CDC42BPB: variants seen among roughly 807,000 people sequenced by gnomAD.
CDC42BPB encodes serine/threonine-protein kinase MRCK beta.
CDC42BPB carries 37 observed loss-of-function variants against 214.9 expected under a neutral mutation model. That is an observed-to-expected ratio of 0.17 (90% CI 0.13 to 0.23). The LOEUF is 0.23. Among genes scored for constraint, CDC42BPB ranks in the 10% least tolerant of loss-of-function variants. CDC42BPB has a pLI of 1.00. For synonymous variants in CDC42BPB, 931 were observed against 884.0 expected, an observed-to-expected ratio of 1.05 and a Z score of -0.94; for missense variants, 1,694 against 2,227.0, an observed-to-expected ratio of 0.76 and a Z score of 4.82.
chr14:103,022,997 TTTTTC>T lies in CDC42BPB; in HGVS notation c.176-10814_176-10810del, dbSNP rs561415514. ...CAGCAACCCACAGATATAGCTATTT[TTTTTC>T]TTTTCTTTTCCTTTTCTTTTTTTTT... On this transcript the variant is annotated intron_variant, in intron 1 of 36. Transcript: ENST00000361246. Among the ~76,000 whole-genome samples, 554 of 152,022 alleles carry T rather than the reference TTTTTC, an allele frequency of 3.6e-3. 1 individual carries two copies. Among genetic ancestry groups the T allele is most frequent in the Non-Finnish European group, 5.3e-3 (359 of 67,964 alleles).
rs763045889 is a variant in CDC42BPB at position 102,974,902 on chromosome 14, T to G, written c.1508-753A>C. 4.6e-5 allele frequency among the ~76,000 whole-genome samples: 7 copies of G among 152,004 alleles called. No individual in the cohort carries two copies. In the South Asian group the frequency reaches 1.2e-3, roughly 27 times the overall value. ...CGGAGCTTGCAGTGAGCCGAGATCA[T>G]GCCACTGCACTCCAGCCTGGGTGAC... On this transcript the variant is annotated intron_variant, in intron 11 of 36. Transcript: ENST00000361246.
intron 7 of CDC42BPB, among the ~76,000 whole-genome samples, chr14:102,981,430 T>C (rs1051049306): frequency 6.6e-5 from 10 of 152,326 alleles, no homozygotes; most frequent in African/African-American, 2.4e-4. Flanking sequence ...GACTGCACTG[T>C]ATTTTGACCA....
At chr14:102,934,829 A>T (rs527893476) in intron 36 of CDC42BPB, among the ~76,000 whole-genome samples, 11 of 151,872 alleles carry the variant, frequency 7.2e-5, no homozygotes, top group Non-Finnish European at 1.6e-4. Flanking sequence ...AACACAGTGA[A>T]ACCCTGTCTC....
Position 102,940,122 on chromosome 14 carries a change from G to A in CDC42BPB, c.4515C>T (p.Pro1505=). 6.2e-7 allele frequency: 1 copy of A among 1,614,040 alleles called. No individual in the cohort carries two copies. The highest frequency in any genetic ancestry group is 8.5e-7 in the Non-Finnish European group (1 of 1,180,046). The change falls in exon 32 of 37, where the codon CCC becomes CCT. Residue 1505 remains proline (P), a synonymous_variant. Transcript: ENST00000361246. ...VQTIGLRRIR[P]LNSEGTLNLL... ...GGTTGAGGGTGCCTTCAGAGTTCAGGGGCCTTATCTGGATTGGAAACCAGG... is the reference window on the plus strand; with the variant it reads ...GGTTGAGGGTGCCTTCAGAGTTCAGAGGCCTTATCTGGATTGGAAACCAGG...
At chr14:102,959,556 G>A (rs1892862721) in intron 21 of CDC42BPB, 75 bp downstream of exon 21, 6 of 1,013,772 alleles carry the variant, frequency 5.9e-6, no homozygotes, top group Non-Finnish European at 9.0e-6. Context: ...CCCCATGAGT[G>A]GTAAAATCAT....
At chr14:102,975,852 C>G in intron 10 of CDC42BPB, 31 bp downstream of exon 10, 1 of 1,613,900 alleles carries the variant, frequency 6.2e-7, no homozygotes, top group South Asian at 1.1e-5. Context: ...GCAGCGCCCC[C>G]GCCTGGCCCC....
chr14:103,024,344 C>T (rs753011587), intron 1 of CDC42BPB, among the ~76,000 whole-genome samples: 1 of 152,194 alleles, frequency 6.6e-6, no homozygotes, highest in Non-Finnish European at 1.5e-5. Flanking sequence ...CTTGCTAATA[C>T]ACTTCTAGAA....
At chr14:103,014,027 G>A (rs372135031) in intron 1 of CDC42BPB, among the ~76,000 whole-genome samples, 29 of 152,302 alleles carry the variant, frequency 1.9e-4, no homozygotes, top group African/African-American at 6.0e-4. Flanking sequence ...TTAGCTGGGC[G>A]TGGTGGCGGG....
At position 103,004,180 on chromosome 14, in the gene CDC42BPB, G is replaced by C; in HGVS notation, c.352-157C>G. ...GCACCACCCCGAGGCTGCTGAGGCTGAGCCATCCCTCATCCCTTCCTCTCC... is the reference window on the plus strand; with the variant it reads ...GCACCACCCCGAGGCTGCTGAGGCTCAGCCATCCCTCATCCCTTCCTCTCC... On this transcript the variant is annotated intron_variant, in intron 3 of 36. Coordinates refer to ENST00000361246, the MANE Select transcript of CDC42BPB (RefSeq NM_006035.4). This position sits in a 1 kb window ranked among gnomAD's most constrained non-coding sequence, Gnocchi z 5.3. 7.2e-7 allele frequency: 1 copy of C among 1,380,256 alleles called. No homozygotes were observed. The highest frequency in any genetic ancestry group is 9.4e-7 in the Non-Finnish European group (1 of 1,064,152). The allele number at this position is 1,380,256 out of a possible 1,614,324, so 85.5% of individuals were successfully genotyped here.
chr14:102,968,242 G>C lies in CDC42BPB; in HGVS notation c.2346+11C>G. On this transcript the variant is annotated intron_variant, in intron 16 of 36. Transcript: ENST00000361246. ...CACAAAGTGCTAACTCAGGTACTTT[G>C]AATTAATTACCTTTTCATTTTCAGC... The C allele has an allele frequency of 6.3e-7, 1 of 1,590,542 alleles. No individual in the cohort carries two copies. The highest frequency in any genetic ancestry group is 8.6e-7 in the Non-Finnish European group (1 of 1,159,794).
At position 102,952,505 on chromosome 14, in the gene CDC42BPB, G is replaced by T; in HGVS notation, c.3165C>A (p.Ala1055=). 3 of 1,609,462 alleles carry T rather than the reference G, an allele frequency of 1.9e-6. No homozygotes were observed. Among genetic ancestry groups the T allele is most frequent in the Non-Finnish European group, 2.5e-6 (3 of 1,176,482 alleles). The part of the protein sequence containing the change: ...LMVGLIRQGY[A]CEVCSFACHV... ...AGCTGCAACGACACTCACCCTCGCA[G>T]GCGTAGCCCTGCCGGATCAGCCCAA... The change falls in exon 24 of 37, where the codon GCC becomes GCA. Residue 1055 remains alanine (A), a synonymous_variant. Coordinates refer to ENST00000361246, the MANE Select transcript of CDC42BPB (RefSeq NM_006035.4).
Position 102,965,445 on chromosome 14 carries a change from C to T in CDC42BPB, c.2578-795G>A, listed in dbSNP as rs191834110. Among the ~76,000 whole-genome samples, 17 of 150,586 alleles carry T rather than the reference C, an allele frequency of 1.1e-4. No homozygotes were observed. The East Asian group carries it at 3.3e-3, about 29-fold the overall frequency. ...AATAAGGGAAGAATGACAGAGTGAC[C>T]TAGGATGAAGCAACAGTGGAATAAG... On this transcript the variant is annotated intron_variant, in intron 18 of 36. Transcript: ENST00000361246.
At chr14:103,053,534 G>T (rs1230745978) in intron 1 of CDC42BPB, among the ~76,000 whole-genome samples, 38 of 151,778 alleles carry the variant, frequency 2.5e-4, no homozygotes, top group African/African-American at 9.0e-4. Flanking sequence ...GGCCAAGGGG[G>T]GCAGATCACG....
intron 1 of CDC42BPB, among the ~76,000 whole-genome samples, chr14:103,052,952 A>G (rs1218609196): frequency 6.6e-6 from 1 of 152,274 alleles, no homozygotes; most frequent in South Asian, 2.1e-4. Context: ...AATTCATCTC[A>G]CTGGGTTGTC....
chr14:103,051,476 C>T (rs1275203068), intron 1 of CDC42BPB, among the ~76,000 whole-genome samples: 1 of 147,880 alleles, frequency 6.8e-6, no homozygotes, highest in Non-Finnish European at 1.5e-5. Context: ...AAGCATTTGA[C>T]AGTTTCACTG....
Position 102,994,813 on chromosome 14 carries a change from T to C in CDC42BPB, c.596+4752A>G, listed in dbSNP as rs919767916. On this transcript the variant is annotated intron_variant, in intron 5 of 36. Transcript: ENST00000361246. Reference sequence around the variant, plus strand: ...CCCTCACCGTACCATTTCTGAGTGATGTCAACTCCCACTTCCATCCGTTCC... The same window carrying C: ...CCCTCACCGTACCATTTCTGAGTGACGTCAACTCCCACTTCCATCCGTTCC... Among the ~76,000 whole-genome samples the C allele has an allele frequency of 2.0e-5, 3 of 152,198 alleles. No individual in the cohort carries two copies. In the South Asian group the frequency reaches 6.2e-4, roughly 31 times the overall value.
At chr14:102,966,909 A>C in intron 17 of CDC42BPB, 137 bp downstream of exon 17, 1 of 969,480 alleles carries the variant, frequency 1.0e-6, no homozygotes, top group South Asian at 1.7e-5. Flanking sequence ...AGTTCTGGGG[A>C]ACAGCAGTGA....
Position 103,047,139 on chromosome 14 carries a change from CTGGGCTTGGTGG to C in CDC42BPB, c.175+9848_175+9859del, listed in dbSNP as rs373594956. On this transcript the variant is annotated intron_variant, in intron 1 of 36. Coordinates refer to ENST00000361246, the MANE Select transcript of CDC42BPB (RefSeq NM_006035.4). ...TCTCTACTGAAAATACAAAAATTAG[CTGGGCTTGGTGG>C]TGGACGCCTGTAATCCCAGCTACTT... Among the ~76,000 whole-genome samples the C allele has an allele frequency of 7.6e-3, 1,148 of 151,436 alleles. 20 individuals carry two copies. Among genetic ancestry groups the C allele is most frequent in the African/African-American group, 0.026 (1,087 of 41,356 alleles).
At chr14:103,005,412 A>G (rs562423306) in intron 3 of CDC42BPB, among the ~76,000 whole-genome samples, 1 of 152,302 alleles carries the variant, frequency 6.6e-6, no homozygotes, top group African/African-American at 2.4e-5. Context: ...TAAACTTTAA[A>G]AAGTTTTCCT....
Sources: allele counts gnomAD v4.1 joint callset (sites outside exome capture counted in the v4.1 genomes callset), GRCh38; gene constraint gnomAD v4.1.1; non-coding constraint Gnocchi (gnomAD v3.1); transcripts MANE v1.5; gene names NCBI Gene and HGNC (gene_info 2026-07-23, HGNC 2026-07-21).